The following ZNF440 variants were observed in gnomAD, a reference collection of about 807,000 sequenced individuals.
ZNF440 encodes zinc finger protein 440.
ZNF440 carries 47 observed loss-of-function variants against 49.7 expected under a neutral mutation model. That is an observed-to-expected ratio of 0.95 (90% CI 0.75 to 1.21). ZNF440 has a LOEUF of 1.21. Ranked by LOEUF, ZNF440 falls within the 50% of genes most tolerant of loss-of-function variation. ZNF440 has a pLI of 0.00. For missense variants in ZNF440, 703 were observed against 715.0 expected (o/e 0.98, Z 0.19); for synonymous variants, 255 against 237.7 (o/e 1.07, Z -0.67).
Position 11,831,879 on chromosome 19 carries a change from A to T in ZNF440, c.703A>T (p.Lys235Ter). Residue 235 changes from lysine (K) to a stop codon, truncating the protein, a stop_gained, in exon 4 of 4, where the codon AAA becomes TAA. Coordinates refer to ENST00000304060, the MANE Select transcript of ZNF440 (RefSeq NM_152357.3). LOFTEE classifies it high-confidence loss of function. ...ACCATGTGAATGTAAACAGTGTGGT[A>T]AATCCTTTAGTTATTCTGCTACCCA... ...EKPCECKQCGKSFSYSATHRI... is the reference protein window; with the variant it reads ...EKPCECKQCG 6.2e-7 allele frequency: 1 copy of T among 1,614,070 alleles called. No individual in the cohort carries two copies. Among genetic ancestry groups the T allele is most frequent in the Non-Finnish European group, 8.5e-7 (1 of 1,179,992 alleles).
In ZNF440 at chr19:11,830,697, C is replaced by CA. The variant is rs1206182439; in HGVS notation, c.191+23dup. 6.2e-7 allele frequency: 1 copy of CA among 1,611,584 alleles called. No individual in the cohort carries two copies. Among genetic ancestry groups the CA allele is most frequent in the Admixed American group, 1.7e-5 (1 of 59,830 alleles). On this transcript the variant is annotated intron_variant, in intron 3 of 3. Transcript: ENST00000304060. Reference sequence around the variant, plus strand: ...CTTCAGGTAATTTGTACTTACAAGACAAAGCAGTGTCTCTCTAGACAATCT... The same window carrying CA: ...CTTCAGGTAATTTGTACTTACAAGACAAAAGCAGTGTCTCTCTAGACAATCT...
chr19:11,830,746 A>AT, intron 3 of ZNF440, 69 bp downstream of exon 3: 1 of 1,530,200 alleles, frequency 6.5e-7, no homozygotes, highest in South Asian at 1.2e-5. Flanking sequence ...TATATTAAAA[A>AT]TAAGTAAAAC....
Position 11,831,688 on chromosome 19 carries a change from C to A in ZNF440, c.512C>A (p.Pro171His). 6.2e-7 allele frequency: 1 copy of A among 1,614,122 alleles called. No individual in the cohort carries two copies. The highest frequency in any genetic ancestry group is 8.5e-7 in the Non-Finnish European group (1 of 1,180,010). Residue 171 changes from proline to histidine, a missense_variant, in exon 4 of 4, where the codon CCC (proline) becomes CAC (histidine). Transcript: ENST00000304060. ...GAAAGGGATCACACTGGAGAGAAACCCAATGCTTGTAAAGTATGTGGAAAA... is the reference window on the plus strand; with the variant it reads ...GAAAGGGATCACACTGGAGAGAAACACAATGCTTGTAAAGTATGTGGAAAA... ...TQERDHTGEK[P>H]NACKVCGKTF...
At chr19:11,827,831 G>A (rs901348492) in intron 1 of ZNF440, among the ~76,000 whole-genome samples, 1 of 152,106 alleles carries the variant, frequency 6.6e-6, no homozygotes, top group African/African-American at 2.4e-5. Flanking sequence ...GCCCAGGCTG[G>A]TCTCGAACTG....
At position 11,814,518 on chromosome 19, in the gene ZNF440, G is replaced by A. The variant is rs376014634; in HGVS notation, c.3+68G>A. 8 of 1,409,766 alleles carry A rather than the reference G, an allele frequency of 5.7e-6. No individual in the cohort carries two copies. The African/African-American group carries it at 6.0e-5, about 11-fold the overall frequency. The allele number at this position is 1,409,766 out of a possible 1,614,324, so 87.3% of individuals were successfully genotyped here. On this transcript the variant is annotated intron_variant, in intron 1 of 3. Transcript: ENST00000304060. The stretch of plus-strand genomic sequence containing the variant: ...CTGGAATCGGCCGGAACCGGCTGAG[G>A]CGGGACCCGGGCCTCCACGCGGCGA...
intron 1 of ZNF440, among the ~76,000 whole-genome samples, chr19:11,820,736 T>C (rs1018883095): frequency 6.6e-6 from 1 of 152,098 alleles, no homozygotes; most frequent in African/African-American, 2.4e-5. Context: ...TCAGCTTCTC[T>C]CTCCCAACTC....
At position 11,832,962 on chromosome 19, in the gene ZNF440, T is replaced by TA; in HGVS notation, c.1788dup. ...FEFMKGHKHT[*] is the part of the protein sequence containing the mutation. ...ATTCATGAAAGGACACAAACACACATAATGCACTCTGTAGAGAGACCTTAT... is the reference window on the plus strand; with the variant it reads ...ATTCATGAAAGGACACAAACACACATAAATGCACTCTGTAGAGAGACCTTAT... Residue 596 remains the stop codon, a frameshift_variant and stop_retained_variant, in exon 4 of 4, where the codon TAA becomes TAAA. Transcript: ENST00000304060. LOFTEE classifies it high-confidence loss of function. 1.9e-6 allele frequency: 3 copies of TA among 1,608,112 alleles called. No homozygotes were observed. The highest frequency in any genetic ancestry group is 2.5e-6 in the Non-Finnish European group (3 of 1,178,728).
intron 1 of ZNF440, chr19:11,816,935 G>A (rs1975739544): frequency 6.6e-6 from 1 of 152,088 alleles, no homozygotes; most frequent in Non-Finnish European, 1.5e-5. Flanking sequence ...CAGGCCAGAA[G>A]GTATGTTTTT....
chr19:11,832,499 T>G lies in ZNF440; in HGVS notation c.1323T>G (p.Ser441Arg), dbSNP rs775183336. The change falls in exon 4 of 4, where the codon AGT (serine) becomes AGG (arginine). Residue 441 changes from serine to arginine, a missense_variant. Ser to Arg is a moderately radical substitution (Grantham distance 110). Coordinates refer to ENST00000304060, the MANE Select transcript of ZNF440 (RefSeq NM_152357.3). Reference protein sequence around the residue: ...KAFRYVNNLQSHERTQTHIRI... With the variant: ...KAFRYVNNLQRHERTQTHIRI... ...TCAGATATGTGAATAACCTTCAAAG[T>G]CATGAAAGGACACAAACACACATAA... 3.7e-6 allele frequency: 6 copies of G among 1,612,904 alleles called. No individual in the cohort carries two copies. Among genetic ancestry groups the G allele is most frequent in the Non-Finnish European group, 5.1e-6 (6 of 1,179,780 alleles).
In ZNF440 at chr19:11,832,647, C is replaced by G. The variant is rs61742511; in HGVS notation, c.1471C>G (p.Arg491Gly). Residue 491 changes from arginine to glycine, a missense_variant, in exon 4 of 4, where the codon CGT becomes GGT. Arg to Gly is a moderately radical substitution (Grantham distance 125, BLOSUM62 -2). Coordinates refer to ENST00000304060, the MANE Select transcript of ZNF440 (RefSeq NM_152357.3). ...AGAGAAACTCTATGAATGCAAGCAA[C>G]GTTCAGTAGTTCCTTCAGTAGTTCC... ...TGEKLYECKQ[R>G]SVVPSVVPVP... 2.5e-6 allele frequency: 4 copies of G among 1,612,146 alleles called. No individual in the cohort carries two copies. The South Asian group carries it at 4.4e-5, about 18-fold the overall frequency.
At chr19:11,825,797 T>TTC (rs1274646881) in intron 1 of ZNF440, among the ~76,000 whole-genome samples, 45 of 144,892 alleles carry the variant, frequency 3.1e-4, no homozygotes, top group Admixed American at 1.1e-3. Context: ...TTTTCTTTTT[T>TTC]TTTTCTTTTC....
intron 1 of ZNF440, chr19:11,817,688 GGAAA>G (rs34098810): frequency 0.33 from 49,824 of 150,340 alleles, 8,365 homozygotes; most frequent in Non-Finnish European, 0.37. Context: ...AAAAAAAAAA[GGAAA>G]GAAAGAAAGA....
chr19:11,814,315 G>C lies in ZNF440; in HGVS notation c.-133G>C. ...TTAGTGCTGCGCCGACAGCGGTCAG[G>C]ATCTCGGCTTTCTTGCTTCGAGAGG... On this transcript the variant is annotated 5_prime_UTR_variant, in exon 1 of 4. Coordinates refer to ENST00000304060, the MANE Select transcript of ZNF440 (RefSeq NM_152357.3). The C allele has an allele frequency of 9.9e-7, 1 of 1,009,528 alleles. No homozygotes were observed. The highest frequency in any genetic ancestry group is 2.0e-5 in the South Asian group (1 of 51,060). 62.5% of individuals were successfully genotyped at this position (1,009,528 alleles called of 1,614,324 possible).
rs192651852 is a variant in ZNF440, at chr19:11,833,487, A to C, written c.*523A>C. The C allele has an allele frequency of 4.8e-5, 16 of 333,246 alleles. No individual in the cohort carries two copies. The highest frequency in any genetic ancestry group is 7.6e-5 in the Non-Finnish European group (13 of 171,448). The allele number at this position is 333,246 out of a possible 1,614,324, so 20.6% of individuals were successfully genotyped here. ...GAAAAGACTCACACTGGAAGGAAAC[A>C]CTATGAATGCAAGCAATGTGGCAAA... On this transcript the variant is annotated 3_prime_UTR_variant, in exon 4 of 4. Coordinates refer to ENST00000304060, the MANE Select transcript of ZNF440 (RefSeq NM_152357.3).
intron 1 of ZNF440, among the ~76,000 whole-genome samples, chr19:11,823,075 A>G (rs1253614098): frequency 6.6e-6 from 1 of 152,054 alleles, no homozygotes; most frequent in Non-Finnish European, 1.5e-5. Flanking sequence ...TGAGGTTGTG[A>G]AGTCCATGTT....
At position 11,833,000 on chromosome 19, in the gene ZNF440, T is replaced by C. The variant is rs1395838862; in HGVS notation, c.*36T>C. 1 of 1,600,138 alleles carries C rather than the reference T, an allele frequency of 6.2e-7. No homozygotes were observed. The highest frequency in any genetic ancestry group is 8.5e-7 in the Non-Finnish European group (1 of 1,177,150). ...AGAGAGACCTTATAAATGTAAGATATGTGGGAGGGGCTTTTATTCTGCCAA... is the reference window on the plus strand; with the variant it reads ...AGAGAGACCTTATAAATGTAAGATACGTGGGAGGGGCTTTTATTCTGCCAA... On this transcript the variant is annotated 3_prime_UTR_variant, in exon 4 of 4. Transcript: ENST00000304060.
Position 11,832,058 on chromosome 19 carries a change from G to T in ZNF440, c.882G>T (p.Thr294=), listed in dbSNP as rs375520181. 1 of 1,614,054 alleles carries T rather than the reference G, an allele frequency of 6.2e-7. No individual in the cohort carries two copies. Among genetic ancestry groups the T allele is most frequent in the Non-Finnish European group, 8.5e-7 (1 of 1,179,994 alleles). Residue 294 remains threonine (T), a synonymous_variant, in exon 4 of 4, where the codon ACG becomes ACT. Coordinates refer to ENST00000304060, the MANE Select transcript of ZNF440 (RefSeq NM_152357.3). ...GTAAGGAATGTGGAAAAGCATTCAC[G>T]TGTCCCCGTTATGTTCGTATACATG... ...YQCKECGKAF[T]CPRYVRIHER... is the part of the protein sequence containing the mutation.
intron 1 of ZNF440, among the ~76,000 whole-genome samples, chr19:11,826,317 T>C (rs1019099936): frequency 2.0e-5 from 3 of 147,946 alleles, no homozygotes; most frequent in African/African-American, 5.2e-5. Context: ...TGAGACCTTA[T>C]CTATTTTTTT....
chr19:11,819,141 C>A (rs372759091), intron 1 of ZNF440, among the ~76,000 whole-genome samples: 3 of 151,970 alleles, frequency 2.0e-5, no homozygotes, highest in Non-Finnish European at 4.4e-5. Context: ...GACCCTCCCC[C>A]CCATCTCAAT....
Sources: gnomAD v4.1 joint callset for allele counts (sites outside exome capture counted in the v4.1 genomes callset) on GRCh38, gnomAD v4.1.1 for gene constraint, MANE v1.5 for transcripts, NCBI Gene and HGNC (gene_info 2026-07-23, HGNC 2026-07-21) for gene names.